Variants in FSTL5 observed in about 807,000 individuals in gnomAD.
FSTL5 encodes follistatin like 5.
In FSTL5, 62 loss-of-function variants were observed where a neutral mutation model predicts 89.1. The observed-to-expected ratio is 0.70, with a 90% CI of 0.57 to 0.86. The LOEUF is 0.86. FSTL5 is among the 40% of genes least tolerant of loss of function. The pLI is 0.00. For synonymous variants in FSTL5, 383 were observed against 346.2 expected (o/e 1.11, Z -1.18); for missense variants, 1,057 against 1,001.6 (o/e 1.06, Z -0.75).
chr4:161,937,027 C>G (rs1364687316), intron 3 of FSTL5, among the ~76,000 whole-genome samples: 1 of 152,010 alleles, frequency 6.6e-6, no homozygotes, highest in Non-Finnish European at 1.5e-5. Flanking sequence ...TAATCAAGAA[C>G]AAAAAGCCAG....
intron 7 of FSTL5, among the ~76,000 whole-genome samples, chr4:161,651,670 T>A (rs1410838285): frequency 6.6e-6 from 1 of 152,068 alleles, no homozygotes; most frequent in Non-Finnish European, 1.5e-5. Context: ...AAAATATGAG[T>A]TAATGTTAGT....
intron 2 of FSTL5, among the ~76,000 whole-genome samples, chr4:162,064,946 C>T (rs533848292): frequency 1.3e-5 from 2 of 151,982 alleles, no homozygotes; most frequent in East Asian, 1.9e-4. Context: ...CAGAAATAAG[C>T]CCATGCATAT....
chr4:161,695,031 ATC>A (rs1189412763), intron 6 of FSTL5, among the ~76,000 whole-genome samples: 1 of 151,792 alleles, frequency 6.6e-6, no homozygotes, highest in African/African-American at 2.4e-5. Context: ...AAATTTAATC[ATC>A]TGTTTTTATT....
intron 3 of FSTL5, among the ~76,000 whole-genome samples, chr4:161,977,462 A>C (rs2111035133): frequency 6.6e-6 from 1 of 151,330 alleles, no homozygotes; most frequent in South Asian, 2.1e-4. Flanking sequence ...AAATAGAAAA[A>C]ATTAGCCGGG....
At chr4:162,121,413 A>C (rs1213415932) in intron 1 of FSTL5, among the ~76,000 whole-genome samples, 1 of 152,038 alleles carries the variant, frequency 6.6e-6, no homozygotes, top group East Asian at 1.9e-4. Context: ...TAATATATTC[A>C]TGATTCAATA....
intron 6 of FSTL5, among the ~76,000 whole-genome samples, chr4:161,692,737 A>T (rs557184208): frequency 2.0e-5 from 3 of 151,920 alleles, no homozygotes; most frequent in South Asian, 4.1e-4. Flanking sequence ...TTATTTGTTT[A>T]TTTTTGTGAC....
At chr4:161,843,796 G>T (rs1255827028) in intron 4 of FSTL5, among the ~76,000 whole-genome samples, 1 of 151,996 alleles carries the variant, frequency 6.6e-6, no homozygotes, top group East Asian at 1.9e-4. Context: ...ATTAACTCAA[G>T]ATGGATTAAA....
intron 3 of FSTL5, among the ~76,000 whole-genome samples, chr4:161,936,294 T>A (rs997133866): frequency 6.6e-6 from 1 of 152,232 alleles, no homozygotes; most frequent in African/African-American, 2.4e-5. Flanking sequence ...TGTGTATGTA[T>A]GTGTATATGC....
rs78837252 is a variant in FSTL5 at position 161,410,564 on chromosome 4, C to A, written c.1842-24115G>T. 3.5e-3 allele frequency among the ~76,000 whole-genome samples: 528 copies of A among 152,006 alleles called. 13 individuals are homozygous for A. In the East Asian group the frequency reaches 0.054, roughly 16 times the overall value. Reference sequence around the variant, plus strand: ...GTGAAATGAAAATAGAAATAAATACCAAGAAGATCTCTCAAAATTACATGA... The same window carrying A: ...GTGAAATGAAAATAGAAATAAATACAAAGAAGATCTCTCAAAATTACATGA... On this transcript the variant is annotated intron_variant, in intron 15 of 15. Coordinates refer to ENST00000306100, the MANE Select transcript of FSTL5 (RefSeq NM_020116.5).
chr4:161,608,088 T>G (rs1734514004), intron 7 of FSTL5, among the ~76,000 whole-genome samples: 1 of 152,138 alleles, frequency 6.6e-6, no homozygotes, highest in African/African-American at 2.4e-5. Flanking sequence ...AGCTTCAATT[T>G]CCAAATATGC....
chr4:161,416,474 T>C (rs989194079), intron 15 of FSTL5, among the ~76,000 whole-genome samples: 1 of 152,208 alleles, frequency 6.6e-6, no homozygotes, highest in Non-Finnish European at 1.5e-5. Flanking sequence ...TGCTCTGTCA[T>C]CATGAGAGCT....
chr4:162,073,681 TC>T (rs1477968364), intron 2 of FSTL5, among the ~76,000 whole-genome samples: 1 of 151,818 alleles, frequency 6.6e-6, no homozygotes, highest in African/African-American at 2.4e-5. Flanking sequence ...CTAATTTTTG[TC>T]AGGGTAATAT....
At chr4:161,861,216 A>G (rs573463107) in intron 4 of FSTL5, among the ~76,000 whole-genome samples, 31 of 152,266 alleles carry the variant, frequency 2.0e-4, no homozygotes, top group African/African-American at 6.7e-4. Flanking sequence ...TGAGGTCAGG[A>G]GTTCGAGACC....
At chr4:161,705,274 G>A (rs1263631362) in intron 6 of FSTL5, among the ~76,000 whole-genome samples, 2 of 151,902 alleles carry the variant, frequency 1.3e-5, no homozygotes, top group Non-Finnish European at 1.5e-5. Context: ...TTAAATAAAC[G>A]TTAAAATGGA....
At chr4:161,925,823 G>C (rs1734106341) in intron 3 of FSTL5, among the ~76,000 whole-genome samples, 1 of 151,734 alleles carries the variant, frequency 6.6e-6, no homozygotes, top group East Asian at 1.9e-4. Flanking sequence ...TGCATTTAGG[G>C]GAGTGTGGCA....
At chr4:162,115,505 G>C (rs1731603134) in intron 1 of FSTL5, among the ~76,000 whole-genome samples, 1 of 152,132 alleles carries the variant, frequency 6.6e-6, no homozygotes, top group African/African-American at 2.4e-5. Flanking sequence ...TTGGCAGTTT[G>C]TTGACAGCTC....
chr4:162,021,450 T>C (rs1308818562), intron 3 of FSTL5, among the ~76,000 whole-genome samples: 1 of 152,152 alleles, frequency 6.6e-6, no homozygotes, highest in Non-Finnish European at 1.5e-5. Flanking sequence ...TATTTTTCAA[T>C]ATTTAATAAG....
chr4:161,426,827 C>T (rs1298141625), intron 15 of FSTL5, among the ~76,000 whole-genome samples: 3 of 152,132 alleles, frequency 2.0e-5, no homozygotes, highest in Non-Finnish European at 4.4e-5. Context: ...GGTCTCTAGC[C>T]ACACTTAAAA....
chr4:161,897,222 C>A (rs1409217562), intron 4 of FSTL5, among the ~76,000 whole-genome samples: 1 of 151,282 alleles, frequency 6.6e-6, no homozygotes, highest in Non-Finnish European at 1.5e-5. Flanking sequence ...GTATTTTATT[C>A]AATTTAATTT....
Sources: gnomAD v4.1 joint callset for allele counts (sites outside exome capture counted in the v4.1 genomes callset) on GRCh38, gnomAD v4.1.1 for gene constraint, MANE v1.5 for transcripts, NCBI Gene and HGNC (gene_info 2026-07-23, HGNC 2026-07-21) for gene names.